Variants in KCTD16 observed in about 807,000 individuals in gnomAD.
KCTD16 encodes the protein potassium channel tetramerization domain containing 16.
Under a neutral mutation model 33.2 loss-of-function variants are expected in KCTD16, and 13 were observed. That is an observed-to-expected ratio of 0.39 (90% CI 0.25 to 0.62). KCTD16 has a LOEUF of 0.62. Ranked by LOEUF, KCTD16 falls within the 20% of genes least tolerant of loss-of-function variation. KCTD16 has a pLI of 0.50. For synonymous variants in KCTD16, 197 were observed against 195.3 expected (o/e 1.01, Z -0.07); for missense variants, 441 against 525.1 (o/e 0.84, Z 1.57).
At chr5:144,192,992 A>C (rs1368587859) in intron 2 of KCTD16, among the ~76,000 whole-genome samples, 1 of 152,206 alleles carries the variant, frequency 6.6e-6, no homozygotes, top group Non-Finnish European at 1.5e-5. Context: ...AAAACTTGAA[A>C]GGAGGAAGAA....
chr5:144,182,869 TTA>T (rs1252126915), intron 2 of KCTD16, among the ~76,000 whole-genome samples: 1 of 152,160 alleles, frequency 6.6e-6, no homozygotes, highest in Non-Finnish European at 1.5e-5. Flanking sequence ...TCACTCCCAG[TTA>T]TGTTTGTTAT....
chr5:144,421,190 G>A (rs1481976948), intron 3 of KCTD16, among the ~76,000 whole-genome samples: 1 of 151,798 alleles, frequency 6.6e-6, no homozygotes, highest in Non-Finnish European at 1.5e-5. Context: ...GTTTAATGTG[G>A]GTATTTCCTG....
At chr5:144,386,721 A>G (rs1752331823) in intron 3 of KCTD16, among the ~76,000 whole-genome samples, 1 of 152,240 alleles carries the variant, frequency 6.6e-6, no homozygotes, top group African/African-American at 2.4e-5. Flanking sequence ...AAAAAGAATG[A>G]AAATTGGCAC....
At chr5:144,355,854 C>T (rs1257868191) in intron 3 of KCTD16, among the ~76,000 whole-genome samples, 2 of 152,082 alleles carry the variant, frequency 1.3e-5, no homozygotes, top group African/African-American at 4.8e-5. Context: ...ATGTCCTTTT[C>T]GCTCCATTCT....
chr5:144,275,623 A>G (rs934068352), intron 3 of KCTD16, among the ~76,000 whole-genome samples: 1 of 152,196 alleles, frequency 6.6e-6, no homozygotes, highest in Non-Finnish European at 1.5e-5. Flanking sequence ...AAAGAGTGTC[A>G]TGGGATTCTC....
At position 144,207,142 on chromosome 5, in the gene KCTD16, C is replaced by T. The variant is rs777394482; in HGVS notation, c.428C>T (p.Ser143Phe). The T allele has an allele frequency of 5.0e-6, 8 of 1,611,338 alleles. No homozygotes were observed. The Admixed American group carries it at 5.0e-5, about 10-fold the overall frequency. Reference protein sequence around the residue: ...EFCHSDFEDASQGSDTRICPP... With the variant: ...EFCHSDFEDAFQGSDTRICPP... Reference sequence around the variant, plus strand: ...TGCCACAGTGACTTTGAAGATGCCTCCCAAGGAAGCGACACAAGAATCTGC... The same window carrying T: ...TGCCACAGTGACTTTGAAGATGCCTTCCAAGGAAGCGACACAAGAATCTGC... Residue 143 changes from serine (S) to phenylalanine (F), a missense_variant, in exon 3 of 4, where the codon TCC (serine) becomes TTC (phenylalanine). Physicochemically the swap from Ser to Phe is radical, Grantham distance 155. Transcript: ENST00000512467.
intron 3 of KCTD16, among the ~76,000 whole-genome samples, chr5:144,256,966 A>T (rs2126835972): frequency 6.6e-6 from 1 of 152,284 alleles, no homozygotes; most frequent in Admixed American, 6.5e-5. Context: ...CTGAGAGGGG[A>T]GTAGTAAAAT....
chr5:144,381,031 G>A (rs1752201684), intron 3 of KCTD16, among the ~76,000 whole-genome samples: 1 of 152,110 alleles, frequency 6.6e-6, no homozygotes, highest in African/African-American at 2.4e-5. Flanking sequence ...TATAGAATGG[G>A]ATAAGACATT....
chr5:144,423,930 G>A (rs1753266354), intron 3 of KCTD16, among the ~76,000 whole-genome samples: 1 of 152,024 alleles, frequency 6.6e-6, no homozygotes, highest in Admixed American at 6.6e-5. Context: ...AATGACAGCT[G>A]ATGAGCTGAA....
At chr5:144,188,256 T>C (rs1752768655) in intron 2 of KCTD16, among the ~76,000 whole-genome samples, 1 of 152,218 alleles carries the variant, frequency 6.6e-6, no homozygotes, top group African/African-American at 2.4e-5. Context: ...AAAAAGCTAA[T>C]AGATATTAGC....
chr5:144,345,896 G>A (rs1752786803), intron 3 of KCTD16, among the ~76,000 whole-genome samples: 1 of 150,828 alleles, frequency 6.6e-6, no homozygotes. Context: ...GGACAATTAA[G>A]TTATTATTGA....
chr5:144,206,426 C>T lies in KCTD16; in HGVS notation c.-289C>T. 1 of 316,006 alleles carries T rather than the reference C, an allele frequency of 3.2e-6. No homozygotes were observed. Among genetic ancestry groups the T allele is most frequent in the Non-Finnish European group, 5.8e-6 (1 of 172,968 alleles). The allele number at this position is 316,006 out of a possible 1,614,324, so 19.6% of individuals were successfully genotyped here. On this transcript the variant is annotated 5_prime_UTR_variant, in exon 3 of 4. Coordinates refer to ENST00000512467, the MANE Select transcript of KCTD16 (RefSeq NM_020768.4). ...GTAACTGGGGAATTGGCCTGCCTTG[C>T]ATGTGAGCTTGATGGAAGATTGGAT...
intron 2 of KCTD16, among the ~76,000 whole-genome samples, chr5:144,192,608 C>T (rs1752864728): frequency 6.6e-6 from 1 of 152,172 alleles, no homozygotes; most frequent in Non-Finnish European, 1.5e-5. Context: ...TAAAGCAAGC[C>T]ACTGGTTGAG....
At chr5:144,248,569 C>T (rs1180640327) in intron 3 of KCTD16, among the ~76,000 whole-genome samples, 1 of 152,200 alleles carries the variant, frequency 6.6e-6, no homozygotes, top group Non-Finnish European at 1.5e-5. Context: ...CCTCTGGCTG[C>T]TCTTTTGAAA....
intron 3 of KCTD16, among the ~76,000 whole-genome samples, chr5:144,377,009 G>A (rs762990353): frequency 1.3e-5 from 2 of 152,126 alleles, no homozygotes; most frequent in African/African-American, 2.4e-5. Flanking sequence ...ACATATCTAC[G>A]CATTCAGACT....
At chr5:144,320,466 A>G (rs1042522481) in intron 3 of KCTD16, among the ~76,000 whole-genome samples, 15 of 152,166 alleles carry the variant, frequency 9.9e-5, no homozygotes, top group Non-Finnish European at 2.1e-4. Context: ...GGTGCCTACC[A>G]CTGAGATGGG....
intron 3 of KCTD16, among the ~76,000 whole-genome samples, chr5:144,395,823 C>A (rs987705565): frequency 3.3e-5 from 5 of 152,142 alleles, no homozygotes; most frequent in African/African-American, 1.2e-4. Flanking sequence ...GTGCAGCAGC[C>A]ACTCTGCTCT....
chr5:144,293,243 A>C (rs1334896172), intron 3 of KCTD16, among the ~76,000 whole-genome samples: 1 of 152,018 alleles, frequency 6.6e-6, no homozygotes, highest in Admixed American at 6.6e-5. Flanking sequence ...TTTACAGTCT[A>C]TCCTAATTCT....
At chr5:144,246,058 C>T (rs1754541144) in intron 3 of KCTD16, among the ~76,000 whole-genome samples, 2 of 152,128 alleles carry the variant, frequency 1.3e-5, no homozygotes, top group African/African-American at 4.8e-5. Context: ...AGTCAGTGAG[C>T]ACTCTTGAGG....
Sources: gnomAD v4.1 joint callset for allele counts (sites outside exome capture counted in the v4.1 genomes callset) on GRCh38, gnomAD v4.1.1 for gene constraint, MANE v1.5 for transcripts, NCBI Gene and HGNC (gene_info 2026-07-23, HGNC 2026-07-21) for gene names.